RAP1GDS1: variants seen among roughly 807,000 people sequenced by gnomAD.
RAP1GDS1 encodes the protein RAP1, GTP-GDP dissociation stimulator 1.
In RAP1GDS1, 35 loss-of-function variants were observed where a neutral mutation model predicts 71.1. That is an observed-to-expected ratio of 0.49 (90% CI 0.38 to 0.65). RAP1GDS1 has a LOEUF of 0.65. RAP1GDS1 is among the 30% of genes least tolerant of loss of function. The pLI is 0.00. For missense variants in RAP1GDS1, 663 were observed against 706.1 expected (o/e 0.94, Z 0.69); for synonymous variants, 229 against 243.1 (o/e 0.94, Z 0.54).
intron 5 of RAP1GDS1, among the ~76,000 whole-genome samples, chr4:98,383,042 A>G (rs577733951): frequency 6.6e-6 from 1 of 151,686 alleles, no homozygotes; most frequent in East Asian, 1.9e-4. Flanking sequence ...CAAACCAGTG[A>G]TCTAAAGCAA....
intron 7 of RAP1GDS1, 76 bp downstream of exon 7, chr4:98,404,678 C>T: frequency 6.7e-7 from 1 of 1,491,692 alleles, no homozygotes; most frequent in Admixed American, 2.3e-5. Flanking sequence ...ATTTAATTGC[C>T]AGCCATTTGA....
intron 2 of RAP1GDS1, among the ~76,000 whole-genome samples, chr4:98,342,785 G>C (rs1297052209): frequency 1.3e-5 from 2 of 152,084 alleles, no homozygotes; most frequent in Non-Finnish European, 2.9e-5. Context: ...ATAGCTCTTA[G>C]AATTCAGAAG....
At chr4:98,323,537 A>C (rs1036864219) in intron 2 of RAP1GDS1, among the ~76,000 whole-genome samples, 1 of 143,218 alleles carries the variant, frequency 7.0e-6, no homozygotes, top group African/African-American at 2.7e-5. Flanking sequence ...AATACTGGCA[A>C]ACCGAATCCA....
chr4:98,407,514 A>T (rs1028179167), intron 7 of RAP1GDS1, among the ~76,000 whole-genome samples: 1 of 151,686 alleles, frequency 6.6e-6, no homozygotes, highest in East Asian at 1.9e-4. Flanking sequence ...ACTCAGCTAT[A>T]AAAAAGAATG....
At chr4:98,333,754 T>TTTTA (rs1304632233) in intron 2 of RAP1GDS1, among the ~76,000 whole-genome samples, 1 of 152,102 alleles carries the variant, frequency 6.6e-6, no homozygotes, top group Non-Finnish European at 1.5e-5. Context: ...GTTATTTTTC[T>TTTTA]TTTAACCATT....
At chr4:98,418,105 A>G (rs1748275511) in intron 9 of RAP1GDS1, among the ~76,000 whole-genome samples, 1 of 152,110 alleles carries the variant, frequency 6.6e-6, no homozygotes, top group Non-Finnish European at 1.5e-5. Context: ...AACTGTTGGT[A>G]TATATTATAT....
intron 6 of RAP1GDS1, among the ~76,000 whole-genome samples, chr4:98,399,208 A>G (rs1053501826): frequency 2.0e-5 from 3 of 152,228 alleles, no homozygotes; most frequent in Non-Finnish European, 4.4e-5. Context: ...AACGAAAGCA[A>G]AAATAAATAG....
chr4:98,358,565 T>C (rs1055822807), intron 4 of RAP1GDS1, among the ~76,000 whole-genome samples: 13 of 152,032 alleles, frequency 8.6e-5, no homozygotes, highest in African/African-American at 2.9e-4. Flanking sequence ...GTGTGATATA[T>C]CCAAGTTCTA....
intron 2 of RAP1GDS1, among the ~76,000 whole-genome samples, chr4:98,294,906 A>T (rs1214823283): frequency 2.0e-5 from 3 of 152,062 alleles, no homozygotes; most frequent in Non-Finnish European, 2.9e-5. Flanking sequence ...TATTTTTTTG[A>T]ACAGTTGTTT....
At chr4:98,385,647 C>G (rs1258253010) in intron 5 of RAP1GDS1, among the ~76,000 whole-genome samples, 1 of 151,678 alleles carries the variant, frequency 6.6e-6, no homozygotes, top group Non-Finnish European at 1.5e-5. Context: ...GTTTTATTTA[C>G]TAAAAAATTT....
intron 1 of RAP1GDS1, among the ~76,000 whole-genome samples, chr4:98,292,690 T>A (rs948358876): frequency 3.3e-5 from 5 of 152,204 alleles, no homozygotes; most frequent in Admixed American, 1.3e-4. Context: ...TTAAGTAAAT[T>A]ACTAAATAAT....
chr4:98,351,754 T>C (rs935659713), intron 3 of RAP1GDS1, among the ~76,000 whole-genome samples: 1 of 151,788 alleles, frequency 6.6e-6, no homozygotes, highest in Non-Finnish European at 1.5e-5. Flanking sequence ...CATGGTGAGT[T>C]AATACATAAA....
chr4:98,351,211 GTTGTTGAGA>G (rs1236017226), intron 3 of RAP1GDS1, among the ~76,000 whole-genome samples: 1 of 152,186 alleles, frequency 6.6e-6, no homozygotes, highest in Non-Finnish European at 1.5e-5. Flanking sequence ...TCAAAGGTTA[GTTGTTGAGA>G]TAGGAAATAA....
intron 2 of RAP1GDS1, among the ~76,000 whole-genome samples, chr4:98,306,322 C>T (rs1037073468): frequency 6.6e-6 from 1 of 152,164 alleles, no homozygotes; most frequent in Admixed American, 6.5e-5. Context: ...CATGCCATAC[C>T]TCATTGATGG....
chr4:98,343,012 T>C, intron 2 of RAP1GDS1, 127 bp from the exon 3 acceptor site: 1 of 974,620 alleles, frequency 1.0e-6, no homozygotes, highest in Non-Finnish European at 1.5e-6. Flanking sequence ...GACATATATT[T>C]GAATGTATAC....
At chr4:98,412,392 T>C (rs896461016) in intron 7 of RAP1GDS1, among the ~76,000 whole-genome samples, 2 of 152,032 alleles carry the variant, frequency 1.3e-5, no homozygotes, top group African/African-American at 4.8e-5. Flanking sequence ...GCATGCACTT[T>C]TAGTCCCAGC....
rs1262560716 is a variant in RAP1GDS1 at position 98,348,818 on chromosome 4, G to GT, written c.236-3651dup. ...CGCTCAGTTTTTGATGGGGTTGTTT[G>GT]TTTTTTTCTTGTAAATTTGTTTGAG... On this transcript the variant is annotated intron_variant, in intron 3 of 14. Coordinates refer to ENST00000408927, the MANE Select transcript of RAP1GDS1 (RefSeq NM_001100427.2). Among the ~76,000 whole-genome samples the GT allele has an allele frequency of 4.6e-5, 7 of 152,070 alleles. No homozygotes were observed. In the East Asian group the frequency reaches 9.6e-4, roughly 21 times the overall value.
chr4:98,294,211 G>T (rs1373977559), intron 2 of RAP1GDS1, among the ~76,000 whole-genome samples: 3 of 151,876 alleles, frequency 2.0e-5, no homozygotes, highest in African/African-American at 7.3e-5. Context: ...ATTCTGCTTG[G>T]TTGTGCTGTG....
intron 2 of RAP1GDS1, among the ~76,000 whole-genome samples, chr4:98,299,111 A>G (rs1445566570): frequency 6.6e-6 from 1 of 152,010 alleles, no homozygotes; most frequent in Non-Finnish European, 1.5e-5. Flanking sequence ...GCTGTGTCCA[A>G]GTGTTCTCAT....
Sources: gnomAD v4.1 joint callset for allele counts (sites outside exome capture counted in the v4.1 genomes callset) on GRCh38, gnomAD v4.1.1 for gene constraint, MANE v1.5 for transcripts, NCBI Gene and HGNC (gene_info 2026-07-23, HGNC 2026-07-21) for gene names.